ENTREP1: variants seen among roughly 807,000 people sequenced by gnomAD.
ENTREP1 encodes the protein Friedreich ataxia region gene X123.
chr9:69,372,702 A>C, the ENTREP1 span, among the ~76,000 whole-genome samples: 2 of 152,206 alleles, frequency 1.3e-5, no homozygotes, highest in African/African-American at 4.8e-5. Flanking sequence ...ATATATAACC[A>C]GAAGTGATCA....
At chr9:69,357,142 T>C in the ENTREP1 span, among the ~76,000 whole-genome samples, 3 of 144,872 alleles carry the variant, frequency 2.1e-5, no homozygotes, top group Non-Finnish European at 4.6e-5. Flanking sequence ...TCCTGAGAAA[T>C]GAGAGACAAT....
At chr9:69,373,187 G>T in the ENTREP1 span, among the ~76,000 whole-genome samples, 1 of 152,258 alleles carries the variant, frequency 6.6e-6, no homozygotes, top group South Asian at 2.1e-4. Context: ...AATATCATTT[G>T]AATTCCCACT....
At chr9:69,385,206 C>G in the ENTREP1 span, among the ~76,000 whole-genome samples, 2 of 152,234 alleles carry the variant, frequency 1.3e-5, no homozygotes, top group Non-Finnish European at 2.9e-5. Flanking sequence ...CAGGCATGAG[C>G]CACTGCACCC....
At chr9:69,362,202 A>G in the ENTREP1 span, among the ~76,000 whole-genome samples, 1 of 152,210 alleles carries the variant, frequency 6.6e-6, no homozygotes. Context: ...CTTAGGCAGT[A>G]GGGAAAGGTC....
the ENTREP1 span, among the ~76,000 whole-genome samples, chr9:69,353,828 C>T: frequency 2.4e-4 from 36 of 152,230 alleles, no homozygotes; most frequent in African/African-American, 7.0e-4. Context: ...ATTGACTTAG[C>T]GAAGAGATGA....
the ENTREP1 span, chr9:69,385,996 A>G: frequency 6.2e-5 from 94 of 1,525,464 alleles, no homozygotes; most frequent in Non-Finnish European, 7.6e-5. Flanking sequence ...TTATTTGCCT[A>G]AAGGAGCCAG....
the ENTREP1 span, among the ~76,000 whole-genome samples, chr9:69,341,815 A>G: frequency 6.6e-6 from 1 of 152,146 alleles, no homozygotes; most frequent in African/African-American, 2.4e-5. Context: ...ATAAATTGAA[A>G]TGAACCCTTG....
the ENTREP1 span, among the ~76,000 whole-genome samples, chr9:69,351,204 T>C: frequency 6.6e-6 from 1 of 152,210 alleles, no homozygotes; most frequent in South Asian, 2.1e-4. Flanking sequence ...TTTTAAAAAA[T>C]AGATTACCCA....
chr9:69,332,452 G>T, the ENTREP1 span, among the ~76,000 whole-genome samples: 2 of 152,150 alleles, frequency 1.3e-5, no homozygotes, highest in African/African-American at 4.8e-5. Context: ...CATAGACTTG[G>T]TATATGCCTT....
the ENTREP1 span, among the ~76,000 whole-genome samples, chr9:69,327,634 G>GAAAAGAAAAGAA: frequency 3.3e-5 from 5 of 150,538 alleles, no homozygotes; most frequent in East Asian, 2.0e-4. Flanking sequence ...GAAAAGAAAA[G>GAAAAGAAAAGAA]AAAAAAAAAG....
chr9:69,335,063 T>G, the ENTREP1 span, among the ~76,000 whole-genome samples: 1 of 152,054 alleles, frequency 6.6e-6, no homozygotes, highest in African/African-American at 2.4e-5. Flanking sequence ...GCCCAGCCTG[T>G]TTTTTCTTAT....
At chr9:69,336,020 A>G in the ENTREP1 span, among the ~76,000 whole-genome samples, 1 of 152,250 alleles carries the variant, frequency 6.6e-6, no homozygotes, top group Non-Finnish European at 1.5e-5. Flanking sequence ...TCAATAAAAA[A>G]GCTTTGAGGG....
At chr9:69,376,147 CAT>C in the ENTREP1 span, among the ~76,000 whole-genome samples, 1 of 152,190 alleles carries the variant, frequency 6.6e-6, no homozygotes, top group Non-Finnish European at 1.5e-5. Context: ...CACATACACA[CAT>C]ATTTCCACAT....
chr9:69,343,579 C>G, the ENTREP1 span, among the ~76,000 whole-genome samples: 8 of 151,972 alleles, frequency 5.3e-5, no homozygotes, highest in African/African-American at 1.9e-4. Context: ...CCTGAGTAGC[C>G]GATGTTGAAA....
chr9:69,379,666 G>A, the ENTREP1 span: 1 of 152,218 alleles, frequency 6.6e-6, no homozygotes, highest in Non-Finnish European at 1.5e-5. Context: ...AGTAAAAAAT[G>A]ACTGATATTT....
At chr9:69,335,549 G>C in the ENTREP1 span, among the ~76,000 whole-genome samples, 1 of 152,198 alleles carries the variant, frequency 6.6e-6, no homozygotes, top group Non-Finnish European at 1.5e-5. Flanking sequence ...GGAGGGGCCA[G>C]GGTATGTAAA....
chr9:69,378,218 A>C, the ENTREP1 span, among the ~76,000 whole-genome samples: 1 of 152,212 alleles, frequency 6.6e-6, no homozygotes, highest in Non-Finnish European at 1.5e-5. Context: ...AGTTAGGCCA[A>C]ATCGATGTTT....
the ENTREP1 span, among the ~76,000 whole-genome samples, chr9:69,333,317 TA>T: frequency 1.3e-5 from 2 of 151,820 alleles, no homozygotes; most frequent in African/African-American, 2.4e-5. Context: ...ATAATATTAT[TA>T]TTTTTTTTTT....
At chr9:69,374,760 C>T in the ENTREP1 span, among the ~76,000 whole-genome samples, 1 of 152,114 alleles carries the variant, frequency 6.6e-6, no homozygotes, top group Non-Finnish European at 1.5e-5. Flanking sequence ...ACCAAGAATG[C>T]AGGGTGGATG....
Sources: gnomAD v4.1 joint callset for allele counts (sites outside exome capture counted in the v4.1 genomes callset) on GRCh38, gnomAD v4.1.1 for gene constraint, MANE v1.5 for transcripts, NCBI Gene and HGNC (gene_info 2026-07-23, HGNC 2026-07-21) for gene names.